R3HDM1: variants seen among roughly 807,000 people sequenced by gnomAD.
The protein encoded by R3HDM1 is R3H domain-containing protein 1.
R3HDM1 carries 46 observed loss-of-function variants against 141.1 expected under a neutral mutation model. That is an observed-to-expected ratio of 0.33 (90% CI 0.26 to 0.42). The LOEUF is 0.42. R3HDM1 is among the 10% of genes least tolerant of loss of function. The probability of loss-of-function intolerance (pLI) is 1.00; values close to 1 mark genes in which losing one functional copy is unlikely to be tolerated. For synonymous variants in R3HDM1, 435 were observed against 472.9 expected (o/e 0.92, Z 1.04); for missense variants, 1,184 against 1,368.3 (o/e 0.87, Z 2.12).
chr2:135,699,282 A>G (rs2105404912), intron 21 of R3HDM1, among the ~76,000 whole-genome samples: 1 of 152,318 alleles, frequency 6.6e-6, no homozygotes. Context: ...GGATTCGTAT[A>G]TGGAGAGGAT....
chr2:135,561,651 G>A (rs1350303637), intron 1 of R3HDM1, among the ~76,000 whole-genome samples: 2 of 151,920 alleles, frequency 1.3e-5, no homozygotes, highest in South Asian at 2.1e-4. Context: ...CCAAGATGTC[G>A]AGGCTGTAGC....
chr2:135,561,226 ATGGACAACTTTGTAACAAAT>A (rs1264372952), intron 1 of R3HDM1: 1 of 843,240 alleles, frequency 1.2e-6, no homozygotes, highest in Non-Finnish European at 1.4e-6. Flanking sequence ...TGTTCCATTG[ATGGACAACTTTGTAACAAAT>A]TTTTCTCTTT....
chr2:135,619,908 T>A (rs1301981695), intron 5 of R3HDM1: 2 of 172,664 alleles, frequency 1.2e-5, no homozygotes, highest in African/African-American at 4.8e-5. Context: ...AATTGCAGTT[T>A]CCTATGGAGA....
At chr2:135,590,629 A>G in intron 1 of R3HDM1, 1 of 985,412 alleles carries the variant, frequency 1.0e-6, no homozygotes, top group Non-Finnish European at 1.2e-6. Flanking sequence ...CAGGTACTTT[A>G]AAGAGAAATT....
chr2:135,703,140 T>A (rs2074457845), intron 21 of R3HDM1, among the ~76,000 whole-genome samples: 1 of 152,232 alleles, frequency 6.6e-6, no homozygotes, highest in Non-Finnish European at 1.5e-5. Flanking sequence ...ATCTTTTCCA[T>A]TAAATATATA....
chr2:135,541,168 C>T (rs562025453), intron 1 of R3HDM1, among the ~76,000 whole-genome samples: 3 of 152,078 alleles, frequency 2.0e-5, no homozygotes, highest in South Asian at 4.2e-4. Context: ...GTTAAATGAG[C>T]GCTGTCTTCA....
intron 21 of R3HDM1, among the ~76,000 whole-genome samples, chr2:135,680,794 C>A (rs1322491606): frequency 1.3e-5 from 2 of 152,150 alleles, no homozygotes; most frequent in African/African-American, 2.4e-5. Context: ...ATGTATATTT[C>A]TTTCAGTAAA....
chr2:135,571,115 T>G (rs1704000838), intron 1 of R3HDM1, among the ~76,000 whole-genome samples: 1 of 152,190 alleles, frequency 6.6e-6, no homozygotes, highest in South Asian at 2.1e-4. Flanking sequence ...ATGAGGAATA[T>G]AAAATGTTTG....
chr2:135,597,697 C>CT (rs905728794), intron 1 of R3HDM1, among the ~76,000 whole-genome samples: 1 of 151,846 alleles, frequency 6.6e-6, no homozygotes, highest in South Asian at 2.1e-4. Context: ...AGCAACAACC[C>CT]TTTTTTTTGG....
chr2:135,560,470 C>T (rs1701596557), intron 1 of R3HDM1, among the ~76,000 whole-genome samples: 1 of 152,126 alleles, frequency 6.6e-6, no homozygotes, highest in Admixed American at 6.5e-5. Context: ...TGCACCACCA[C>T]ATCCGGCTAA....
At chr2:135,722,351 T>C in intron 25 of R3HDM1, 118 bp from the exon 26 acceptor site, 1 of 1,028,496 alleles carries the variant, frequency 9.7e-7, no homozygotes, top group Non-Finnish European at 1.4e-6. Context: ...GGGACTGATT[T>C]TCTTCTGCCA....
At chr2:135,604,507 G>T (rs1011669286) in intron 2 of R3HDM1, among the ~76,000 whole-genome samples, 9 of 152,138 alleles carry the variant, frequency 5.9e-5, no homozygotes, top group Non-Finnish European at 1.5e-5. Context: ...ATGTTGCCCT[G>T]GTTGGCCTCT....
intron 1 of R3HDM1, among the ~76,000 whole-genome samples, chr2:135,584,923 C>T (rs903521086): frequency 6.6e-6 from 1 of 152,188 alleles, no homozygotes; most frequent in African/African-American, 2.4e-5. Flanking sequence ...ATATGTTTCT[C>T]ATAAGTAACA....
At chr2:135,569,937 A>C (rs1703722834) in intron 1 of R3HDM1, among the ~76,000 whole-genome samples, 1 of 152,090 alleles carries the variant, frequency 6.6e-6, no homozygotes, top group African/African-American at 2.4e-5. Context: ...CATGTTAGCC[A>C]GGATGGTCTC....
chr2:135,708,061 T>C (rs1280724114), intron 21 of R3HDM1, among the ~76,000 whole-genome samples: 1 of 152,204 alleles, frequency 6.6e-6, no homozygotes, highest in African/African-American at 2.4e-5. Flanking sequence ...CCATCACCAA[T>C]TATGTAATTA....
intron 1 of R3HDM1, chr2:135,590,846 A>G (rs2105061453): frequency 2.0e-6 from 1 of 495,394 alleles, no homozygotes; most frequent in Admixed American, 6.4e-5. Flanking sequence ...TTTTTAAGCT[A>G]TTTTTACTGG....
intron 18 of R3HDM1, among the ~76,000 whole-genome samples, chr2:135,659,675 C>A (rs1244481055): frequency 1.3e-5 from 2 of 152,052 alleles, no homozygotes; most frequent in African/African-American, 2.4e-5. Flanking sequence ...TGGGCTCAAG[C>A]GATCCTCCCG....
In R3HDM1 at chr2:135,691,202, A is replaced by T. The variant is rs531470539; in HGVS notation, c.2459+10878A>T. ...CCTTAGCACCCAGAAATAATCACTG[A>T]TAAATTTTGATGTACCTCACCAAAG... is the stretch of plus-strand genomic sequence containing the variant. On this transcript the variant is annotated intron_variant, in intron 21 of 26. Coordinates refer to ENST00000683871, the MANE Select transcript of R3HDM1 (RefSeq NM_001378107.1). 3.9e-5 allele frequency among the ~76,000 whole-genome samples: 6 copies of T among 152,344 alleles called. No homozygotes were observed. The East Asian group carries it at 9.6e-4, about 24-fold the overall frequency.
intron 7 of R3HDM1, among the ~76,000 whole-genome samples, chr2:135,630,212 GGTA>G (rs972514651): frequency 1.4e-5 from 2 of 140,608 alleles, no homozygotes; most frequent in African/African-American, 5.3e-5. Flanking sequence ...GAGAGGCGGA[GGTA>G]GTAGTGAGCC....
Sources: gnomAD v4.1 joint callset for allele counts (sites outside exome capture counted in the v4.1 genomes callset) on GRCh38, gnomAD v4.1.1 for gene constraint, MANE v1.5 for transcripts, NCBI Gene and HGNC (gene_info 2026-07-23, HGNC 2026-07-21) for gene names.